PARN: variants seen among roughly 807,000 people sequenced by gnomAD.
PARN encodes poly(A)-specific ribonuclease.
Under a neutral mutation model 102.8 loss-of-function variants are expected in PARN, and 71 were observed. The observed-to-expected ratio is 0.69, with a 90% CI of 0.57 to 0.84. The LOEUF is 0.84. Ranked by LOEUF, PARN falls within the 40% of genes least tolerant of loss-of-function variation. PARN has a pLI of 0.00. For synonymous variants in PARN, 261 were observed against 252.9 expected, an observed-to-expected ratio of 1.03 and a Z score of -0.30; for missense variants, 782 against 760.9, an observed-to-expected ratio of 1.03 and a Z score of -0.33.
intron 5 of PARN, among the ~76,000 whole-genome samples, chr16:14,622,748 C>T (rs1332233624): frequency 4.6e-5 from 7 of 152,302 alleles, no homozygotes; most frequent in East Asian, 3.9e-4. Context: ...CCTCGTGATC[C>T]GCCCGACTTG....
intron 22 of PARN, among the ~76,000 whole-genome samples, chr16:14,479,040 G>A (rs933355599): frequency 7.2e-5 from 11 of 152,162 alleles, no homozygotes; most frequent in Non-Finnish European, 1.2e-4. Flanking sequence ...AAAGTGCTGG[G>A]ATTATAGGCG....
At chr16:14,617,194 C>T (rs1971966224) in intron 6 of PARN, among the ~76,000 whole-genome samples, 1 of 151,168 alleles carries the variant, frequency 6.6e-6, no homozygotes, top group African/African-American at 2.4e-5. Context: ...ACCATCCTGG[C>T]TAACACGGTG....
At chr16:14,572,306 T>C (rs1968859857) in intron 18 of PARN, among the ~76,000 whole-genome samples, 1 of 151,942 alleles carries the variant, frequency 6.6e-6, no homozygotes, top group Non-Finnish European at 1.5e-5. Flanking sequence ...AGCCTTGTTC[T>C]GTCCGTTACT....
chr16:14,436,628 T>G lies in PARN; in HGVS notation c.*89A>C. 1.1e-6 allele frequency: 1 copy of G among 927,104 alleles called. No homozygotes were observed. The highest frequency in any genetic ancestry group is 1.7e-6 in the Non-Finnish European group (1 of 591,338). 57.4% of individuals were successfully genotyped at this position (927,104 alleles called of 1,614,324 possible). ...CCAACCCCTCCCATACCACATTTGATTAAGTTAAATACAGTGCGGCTTCCA... is the reference window on the plus strand; with the variant it reads ...CCAACCCCTCCCATACCACATTTGAGTAAGTTAAATACAGTGCGGCTTCCA... On this transcript the variant is annotated 3_prime_UTR_variant, in exon 24 of 24. Coordinates refer to ENST00000437198, the MANE Select transcript of PARN (RefSeq NM_002582.4).
Position 14,602,016 on chromosome 16 carries a change from C to T in PARN, c.784-2056G>A, listed in dbSNP as rs185940572. ...CGTGATCTCGGCTCACTGCAACCTC[C>T]GCCTCCCGGGTTCAAGCGATTCTCC... On this transcript the variant is annotated intron_variant, in intron 11 of 23. Transcript: ENST00000437198. 7.2e-3 allele frequency: 1,079 copies of T among 150,362 alleles called. 5 individuals are homozygous for T. The highest frequency in any genetic ancestry group is 0.012 in the Non-Finnish European group (828 of 67,652). The allele number at this position is 150,362 out of a possible 1,614,324, so 9.3% of individuals were successfully genotyped here.
At chr16:14,596,203 T>C (rs935335929) in intron 12 of PARN, among the ~76,000 whole-genome samples, 2 of 152,046 alleles carry the variant, frequency 1.3e-5, no homozygotes, top group African/African-American at 4.8e-5. Context: ...ATTCATTCCA[T>C]AGCTGAGCCA....
chr16:14,560,152 AC>A (rs1967962541), intron 18 of PARN, among the ~76,000 whole-genome samples: 4 of 152,218 alleles, frequency 2.6e-5, no homozygotes, highest in Admixed American at 2.6e-4. Flanking sequence ...ATCCAACTTG[AC>A]AGTTTTCATC....
intron 18 of PARN, among the ~76,000 whole-genome samples, chr16:14,574,397 T>C (rs936873655): frequency 6.6e-6 from 1 of 151,974 alleles, no homozygotes; most frequent in African/African-American, 2.4e-5. Flanking sequence ...GTTTGGAAAA[T>C]TTGAAACCTG....
intron 21 of PARN, among the ~76,000 whole-genome samples, chr16:14,521,680 C>A (rs1007463343): frequency 1.3e-5 from 2 of 151,930 alleles, no homozygotes. Context: ...TGCCTGTAAT[C>A]CCAGCTACAC....
chr16:14,471,031 T>C (rs772051051), intron 22 of PARN, among the ~76,000 whole-genome samples: 3 of 152,142 alleles, frequency 2.0e-5, no homozygotes, highest in South Asian at 2.1e-4. Flanking sequence ...AATCCTCCCA[T>C]CTCATCCTCC....
At chr16:14,606,878 T>G (rs2151791859) in intron 9 of PARN, among the ~76,000 whole-genome samples, 1 of 151,990 alleles carries the variant, frequency 6.6e-6, no homozygotes, top group South Asian at 2.1e-4. Flanking sequence ...ACCTCCCTGG[T>G]TCACGCCATT....
intron 14 of PARN, among the ~76,000 whole-genome samples, 183 bp downstream of exon 14, chr16:14,586,135 C>G (rs1230601344): frequency 6.6e-6 from 1 of 151,838 alleles, no homozygotes; most frequent in African/African-American, 2.4e-5. Context: ...TCCCACCACA[C>G]CCAGCTAATT....
chr16:14,530,963 G>GCATT (rs1356637566), intron 21 of PARN, among the ~76,000 whole-genome samples: 5 of 147,200 alleles, frequency 3.4e-5, no homozygotes, highest in East Asian at 3.9e-4. Context: ...ATTCATGCAT[G>GCATT]CATTCATTCA....
intron 5 of PARN, among the ~76,000 whole-genome samples, chr16:14,621,806 CAA>C (rs1346479153): frequency 8.6e-5 from 5 of 58,322 alleles, no homozygotes; most frequent in Admixed American, 1.8e-4. Flanking sequence ...GGCTTCGTCT[CAA>C]AAAAAAAAAA....
chr16:14,589,979 G>A (rs1036230803), intron 13 of PARN, among the ~76,000 whole-genome samples: 11 of 151,852 alleles, frequency 7.2e-5, no homozygotes, highest in African/African-American at 1.2e-4. Context: ...GGCCAAGCCC[G>A]GTGGCTCACA....
Position 14,595,984 on chromosome 16 carries a change from C to A in PARN, c.841-2606G>T, listed in dbSNP as rs548760788. ...CAGCTACATACACATTTATATAGAT[C>A]CACACACACATACATATACAGAGAG... On this transcript the variant is annotated intron_variant, in intron 12 of 23. Coordinates refer to ENST00000437198, the MANE Select transcript of PARN (RefSeq NM_002582.4). Among the ~76,000 whole-genome samples the A allele has an allele frequency of 4.9e-4, 75 of 152,166 alleles. 1 individual carries two copies. In the South Asian group the frequency reaches 0.015, roughly 29 times the overall value.
At chr16:14,582,115 G>C (rs763975473) in intron 17 of PARN, 66 bp downstream of exon 17, 25 of 944,126 alleles carry the variant, frequency 2.6e-5, no homozygotes, top group Non-Finnish European at 4.2e-5. Flanking sequence ...AGCAGCCTAA[G>C]CCAGGAGACA....
chr16:14,494,320 G>A (rs1964201434), intron 21 of PARN, among the ~76,000 whole-genome samples: 1 of 152,176 alleles, frequency 6.6e-6, no homozygotes, highest in Admixed American at 6.5e-5. Context: ...GAGAGACAAA[G>A]CCCAGTACTC....
chr16:14,608,361 A>G, intron 8 of PARN, 42 bp from the exon 9 acceptor site: 1 of 1,272,390 alleles, frequency 7.9e-7, no homozygotes, highest in Non-Finnish European at 1.1e-6. Context: ...GGCTCATTAG[A>G]AGTAAATCCA....
Sources: gnomAD v4.1 joint callset for allele counts (sites outside exome capture counted in the v4.1 genomes callset) on GRCh38, gnomAD v4.1.1 for gene constraint, MANE v1.5 for transcripts, NCBI Gene and HGNC (gene_info 2026-07-23, HGNC 2026-07-21) for gene names.